The following UNC13C variants were observed in gnomAD, a reference collection of about 807,000 sequenced individuals.
The protein encoded by UNC13C is protein unc-13 homolog C.
UNC13C carries 174 observed loss-of-function variants against 245.4 expected under a neutral mutation model. The observed-to-expected ratio is 0.71, with a 90% CI of 0.63 to 0.80. UNC13C has a LOEUF of 0.80. UNC13C is among the 30% of genes least tolerant of loss of function. The pLI is 0.00. For missense variants in UNC13C, 2,829 were observed against 2,602.9 expected (o/e 1.09, Z -1.89); for synonymous variants, 992 against 895.1 (o/e 1.11, Z -1.93).
At chr15:54,454,379 C>A (rs1288401351) in intron 19 of UNC13C, among the ~76,000 whole-genome samples, 1 of 151,964 alleles carries the variant, frequency 6.6e-6, no homozygotes, top group Non-Finnish European at 1.5e-5. Flanking sequence ...GAGTTCGAGA[C>A]CAGCCTAGCC....
the UNC13C span, among the ~76,000 whole-genome samples, chr15:53,918,736 G>A: frequency 6.6e-6 from 1 of 152,220 alleles, no homozygotes; most frequent in African/African-American, 2.4e-5. Flanking sequence ...GTGGTAAAGT[G>A]AGGATTCTGA....
At chr15:54,377,726 G>A (rs1321057779) in intron 17 of UNC13C, among the ~76,000 whole-genome samples, 1 of 152,162 alleles carries the variant, frequency 6.6e-6, no homozygotes, top group Non-Finnish European at 1.5e-5. Context: ...ATGGCAAAAG[G>A]AGTGAACCAG....
intron 17 of UNC13C, 95 bp from the exon 18 acceptor site, chr15:54,392,953 A>T: frequency 7.4e-7 from 1 of 1,355,292 alleles, no homozygotes; most frequent in Non-Finnish European, 9.7e-7. Context: ...CATTTCCACA[A>T]TCATTTTTCT....
intron 2 of UNC13C, among the ~76,000 whole-genome samples, chr15:54,104,565 G>C (rs1429734125): frequency 1.3e-5 from 2 of 151,708 alleles, no homozygotes; most frequent in Non-Finnish European, 2.9e-5. Context: ...GTACTTAATA[G>C]TTATATTTCA....
chr15:54,476,395 T>C (rs1379425196), intron 19 of UNC13C, among the ~76,000 whole-genome samples: 6 of 150,468 alleles, frequency 4.0e-5, no homozygotes, highest in Admixed American at 2.0e-4. Flanking sequence ...TGCCTATGTC[T>C]TGAATGGTAA....
At chr15:54,399,232 T>C (rs1326440604) in intron 18 of UNC13C, among the ~76,000 whole-genome samples, 1 of 151,692 alleles carries the variant, frequency 6.6e-6, no homozygotes, top group Non-Finnish European at 1.5e-5. Flanking sequence ...CAGTGACTTA[T>C]ATTTTGATAT....
chr15:53,984,232 C>A (rs1894037362), intron 1 of UNC13C, among the ~76,000 whole-genome samples: 1 of 152,008 alleles, frequency 6.6e-6, no homozygotes, highest in African/African-American at 2.4e-5. Context: ...GATCTGACTG[C>A]CTTCCCAGCT....
At chr15:53,947,243 G>T in the UNC13C span, among the ~76,000 whole-genome samples, 2 of 152,140 alleles carry the variant, frequency 1.3e-5, no homozygotes, top group Non-Finnish European at 2.9e-5. Context: ...AAAGCAGGTG[G>T]ATAGATGATA....
the UNC13C span, among the ~76,000 whole-genome samples, chr15:53,926,664 G>T: frequency 2.6e-5 from 4 of 152,190 alleles, no homozygotes; most frequent in African/African-American, 9.6e-5. Context: ...GTGGTAAATG[G>T]AATAATAGAG....
chr15:54,434,614 C>T (rs534817102), intron 19 of UNC13C, among the ~76,000 whole-genome samples: 27 of 152,128 alleles, frequency 1.8e-4, no homozygotes, highest in South Asian at 4.2e-4. Context: ...ACCATAAAAC[C>T]GGAAACCATA....
chr15:53,930,727 T>A, the UNC13C span, among the ~76,000 whole-genome samples: 1 of 152,140 alleles, frequency 6.6e-6, no homozygotes, highest in Non-Finnish European at 1.5e-5. Flanking sequence ...ATATACAAAA[T>A]TTAAGATTAT....
chr15:54,045,729 A>C, intron 2 of UNC13C, among the ~76,000 whole-genome samples: 1 of 152,202 alleles, frequency 6.6e-6, no homozygotes, highest in East Asian at 1.9e-4. Flanking sequence ...GTAAATAAAT[A>C]ATCTCTGGGG....
chr15:54,539,943 A>G (rs1319184163), intron 26 of UNC13C, among the ~76,000 whole-genome samples: 2 of 152,124 alleles, frequency 1.3e-5, no homozygotes, highest in African/African-American at 2.4e-5. Flanking sequence ...ATTGGTGGAA[A>G]GAGATAACGT....
At chr15:54,607,484 G>A (rs867421053) in intron 30 of UNC13C, among the ~76,000 whole-genome samples, 4 of 152,174 alleles carry the variant, frequency 2.6e-5, no homozygotes, top group Non-Finnish European at 4.4e-5. Flanking sequence ...TAGAGTGACC[G>A]TTCTTGTAGA....
chr15:54,276,570 G>A (rs2036838316), intron 10 of UNC13C, among the ~76,000 whole-genome samples: 3 of 151,984 alleles, frequency 2.0e-5, no homozygotes, highest in African/African-American at 7.2e-5. Context: ...TACATTTATG[G>A]CTGAGAAAAA....
chr15:54,446,638 T>G (rs1890831106), intron 19 of UNC13C, among the ~76,000 whole-genome samples: 1 of 152,176 alleles, frequency 6.6e-6, no homozygotes, highest in Admixed American at 6.5e-5. Flanking sequence ...GCACTTTGAT[T>G]TTGTATCCTG....
intron 2 of UNC13C, among the ~76,000 whole-genome samples, chr15:54,122,503 T>G (rs990062659): frequency 6.6e-5 from 10 of 152,224 alleles, no homozygotes; most frequent in Middle Eastern, 3.4e-3. Context: ...TCTGTATGTA[T>G]AACGCATCCA....
At chr15:54,554,993 GA>G (rs1219690314) in intron 28 of UNC13C, among the ~76,000 whole-genome samples, 2 of 152,026 alleles carry the variant, frequency 1.3e-5, no homozygotes, top group East Asian at 3.9e-4. Context: ...CATCTAAGAA[GA>G]AGAATAAAGT....
chr15:54,551,742 T>C (rs901404831), intron 28 of UNC13C, among the ~76,000 whole-genome samples: 1 of 152,106 alleles, frequency 6.6e-6, no homozygotes, highest in African/African-American at 2.4e-5. Context: ...TTCTGTATCA[T>C]ATTCCATTAT....
Sources: gnomAD v4.1 joint callset for allele counts (sites outside exome capture counted in the v4.1 genomes callset) on GRCh38, gnomAD v4.1.1 for gene constraint, MANE v1.5 for transcripts, NCBI Gene and HGNC (gene_info 2026-07-23, HGNC 2026-07-21) for gene names.